The following MBOAT2 variants were observed in gnomAD, a reference collection of about 807,000 sequenced individuals.
The protein encoded by MBOAT2 is membrane-bound glycerophospholipid O-acyltransferase 2.
In MBOAT2, 28 loss-of-function variants were observed where a neutral mutation model predicts 63.4. That is an observed-to-expected ratio of 0.44 (90% CI 0.33 to 0.61). The LOEUF (loss-of-function observed/expected upper bound fraction) is 0.61, where lower values mean the gene tolerates loss of function less well. Ranked by LOEUF, MBOAT2 falls within the 20% of genes least tolerant of loss-of-function variation. The pLI is 0.03. For missense variants in MBOAT2, 470 were observed against 605.8 expected (o/e 0.78, Z 2.35); for synonymous variants, 211 against 215.6 (o/e 0.98, Z 0.19).
rs570467845 is a variant in MBOAT2 at position 8,985,216 on chromosome 2, T to C, written c.75+18324A>G. Among the ~76,000 whole-genome samples the C allele has an allele frequency of 3.9e-5, 6 of 152,322 alleles. No homozygotes were observed. The East Asian group carries it at 1.2e-3, about 29-fold the overall frequency. On this transcript the variant is annotated intron_variant, in intron 1 of 12. Coordinates refer to ENST00000305997, the MANE Select transcript of MBOAT2 (RefSeq NM_138799.4). ...GTCAGACACAGACAGGTCACACTGA[T>C]GCTGATTGAAAAATGATCTACCTTT...
intron 3 of MBOAT2, among the ~76,000 whole-genome samples, chr2:8,929,542 C>T (rs1043321302): frequency 2.3e-4 from 35 of 152,252 alleles, no homozygotes; most frequent in African/African-American, 8.2e-4. Context: ...TTGTAAAGGC[C>T]GGGTTTTGCC....
intron 3 of MBOAT2, among the ~76,000 whole-genome samples, chr2:8,920,537 A>C (rs1666497582): frequency 6.6e-6 from 1 of 151,176 alleles, no homozygotes; most frequent in African/African-American, 2.5e-5. Context: ...TATAACTTTT[A>C]GGAAAAGCTT....
chr2:8,877,426 T>C (rs1184210994), intron 6 of MBOAT2, among the ~76,000 whole-genome samples: 1 of 152,180 alleles, frequency 6.6e-6, no homozygotes, highest in Non-Finnish European at 1.5e-5. Context: ...TATGAGCAAA[T>C]ATGAAGGTTT....
At position 9,003,083 on chromosome 2, in the gene MBOAT2, C is replaced by CG. The variant is rs1193704144; in HGVS notation, c.75+456dup. Among the ~76,000 whole-genome samples, 25 of 152,138 alleles carry CG rather than the reference C, an allele frequency of 1.6e-4. No homozygotes were observed. ...ACCCAGACCCATGCATCAGCCTCTCCGGGGGTCGCTCAGAGGCGCGCGCGG... is the reference window on the plus strand; with the variant it reads ...ACCCAGACCCATGCATCAGCCTCTCCGGGGGGTCGCTCAGAGGCGCGCGCGG... On this transcript the variant is annotated intron_variant, in intron 1 of 12. Coordinates refer to ENST00000305997, the MANE Select transcript of MBOAT2 (RefSeq NM_138799.4). This position sits in a 1 kb window ranked among gnomAD's most constrained non-coding sequence, Gnocchi z 5.4.
In MBOAT2 at chr2:8,924,514, T is replaced by A. The variant is rs546341621; in HGVS notation, c.300-15798A>T. 8.5e-5 allele frequency among the ~76,000 whole-genome samples: 13 copies of A among 152,264 alleles called. No individual in the cohort carries two copies. In the East Asian group the frequency reaches 2.5e-3, roughly 29 times the overall value. On this transcript the variant is annotated intron_variant, in intron 3 of 12. Coordinates refer to ENST00000305997, the MANE Select transcript of MBOAT2 (RefSeq NM_138799.4). ...GAATGAGTTACAGATAAAATAAAAA[T>A]CGTGAGGGATTTTGTTTGTTCTTTT...
At chr2:8,940,450 C>T (rs1414952800) in intron 3 of MBOAT2, among the ~76,000 whole-genome samples, 1 of 152,110 alleles carries the variant, frequency 6.6e-6, no homozygotes, top group East Asian at 1.9e-4. Flanking sequence ...CACCACCACG[C>T]CTGGCTAATT....
At chr2:8,973,715 T>C (rs910724706) in intron 1 of MBOAT2, among the ~76,000 whole-genome samples, 6 of 152,078 alleles carry the variant, frequency 3.9e-5, no homozygotes, top group Admixed American at 2.0e-4. Context: ...GATTCATTCC[T>C]AAGAAAAGAT....
At chr2:8,914,124 T>G (rs1665979199) in intron 3 of MBOAT2, among the ~76,000 whole-genome samples, 2 of 152,094 alleles carry the variant, frequency 1.3e-5, no homozygotes, top group Admixed American at 1.3e-4. Flanking sequence ...GCTATGAGGA[T>G]GCAAAGGCAT....
chr2:8,910,108 T>G (rs1382328234), intron 3 of MBOAT2, among the ~76,000 whole-genome samples: 1 of 152,096 alleles, frequency 6.6e-6, no homozygotes, highest in Non-Finnish European at 1.5e-5. Context: ...GGAAGAAGTG[T>G]GACCATCCTG....
intron 6 of MBOAT2, among the ~76,000 whole-genome samples, chr2:8,879,486 G>A (rs533930428): frequency 2.6e-5 from 4 of 152,286 alleles, no homozygotes; most frequent in African/African-American, 9.6e-5. Context: ...TAATTGTAAT[G>A]TATAATATCA....
At chr2:8,988,563 T>C (rs72771535) in intron 1 of MBOAT2, among the ~76,000 whole-genome samples, 4,819 of 152,258 alleles carry the variant, frequency 0.032, 132 homozygotes, top group Non-Finnish European at 0.047. Context: ...TGAAAGAACA[T>C]TATATCCTTT....
intron 6 of MBOAT2, 46 bp downstream of exon 6, chr2:8,882,465 G>GC (rs777989841): frequency 6.3e-7 from 1 of 1,596,320 alleles, no homozygotes; most frequent in South Asian, 1.1e-5. Flanking sequence ...TGGGTCCTAG[G>GC]CAGGGGCGCA....
chr2:8,978,990 C>T (rs1671020964), intron 1 of MBOAT2, among the ~76,000 whole-genome samples: 1 of 152,018 alleles, frequency 6.6e-6, no homozygotes, highest in Admixed American at 6.6e-5. Context: ...AGCACACTAC[C>T]TATCTGTTAT....
At position 8,997,794 on chromosome 2, in the gene MBOAT2, G is replaced by A. The variant is rs148123397; in HGVS notation, c.75+5746C>T. On this transcript the variant is annotated intron_variant, in intron 1 of 12. Transcript: ENST00000305997. Reference sequence around the variant, plus strand: ...TTTAGTGTTTTGCCAAAGAGCACAAGGCTGGCAGAGTCTGGCTGCCAACCT... The same window carrying A: ...TTTAGTGTTTTGCCAAAGAGCACAAAGCTGGCAGAGTCTGGCTGCCAACCT... Among the ~76,000 whole-genome samples, 22 of 152,270 alleles carry A rather than the reference G, an allele frequency of 1.4e-4. No individual in the cohort carries two copies. In the East Asian group the frequency reaches 3.9e-3, roughly 27 times the overall value.
chr2:8,991,860 G>C (rs1412787656), intron 1 of MBOAT2, among the ~76,000 whole-genome samples: 26 of 152,138 alleles, frequency 1.7e-4, no homozygotes, highest in Admixed American at 1.6e-3. Flanking sequence ...TTCCTTTATG[G>C]TCATCATTAG....
chr2:8,864,398 TTCTACGTA>T (rs1353322511), intron 9 of MBOAT2, among the ~76,000 whole-genome samples, 164 bp from the exon 10 acceptor site: 115 of 152,326 alleles, frequency 7.5e-4, no homozygotes, highest in African/African-American at 2.7e-3. Context: ...GGTAACATCA[TTCTACGTA>T]AGACAAGTTT....
intron 4 of MBOAT2, among the ~76,000 whole-genome samples, chr2:8,907,785 A>G (rs1665437490): frequency 6.6e-6 from 1 of 152,168 alleles, no homozygotes; most frequent in Non-Finnish European, 1.5e-5. Flanking sequence ...CATTAGGGAG[A>G]AAAAGGTATT....
At chr2:8,882,117 T>G (rs1663180643) in intron 6 of MBOAT2, among the ~76,000 whole-genome samples, 1 of 152,226 alleles carries the variant, frequency 6.6e-6, no homozygotes, top group African/African-American at 2.4e-5. Context: ...ATGTATTATA[T>G]CTTAGCCCAG....
At chr2:8,919,866 T>C (rs1051460517) in intron 3 of MBOAT2, among the ~76,000 whole-genome samples, 1 of 152,112 alleles carries the variant, frequency 6.6e-6, no homozygotes, top group African/African-American at 2.4e-5. Flanking sequence ...GTGATCTCCC[T>C]GCCTTAGCCT....
Sources: gnomAD v4.1 joint callset for allele counts (sites outside exome capture counted in the v4.1 genomes callset) on GRCh38, gnomAD v4.1.1 for gene constraint, Gnocchi (gnomAD v3.1) non-coding constraint, MANE v1.5 for transcripts, NCBI Gene and HGNC (gene_info 2026-07-23, HGNC 2026-07-21) for gene names.